The following DOCK7 variants were observed in gnomAD, a reference collection of about 807,000 sequenced individuals.
The protein encoded by DOCK7 is dedicator of cytokinesis 7, also known as dedicator of cytokinesis protein 7.
A neutral mutation model predicts 271.0 loss-of-function variants in DOCK7; 138 were observed. The ratio of observed to expected loss-of-function variants is 0.51; its 90% CI spans 0.44 to 0.59. DOCK7 has a LOEUF of 0.59. Ranked by LOEUF, DOCK7 falls within the 20% of genes least tolerant of loss-of-function variation. The pLI is 0.00. For missense variants in DOCK7, 2,066 were observed against 2,592.4 expected (o/e 0.80, Z 4.41); for synonymous variants, 823 against 876.1 (o/e 0.94, Z 1.07).
At chr1:62,650,072 C>A (rs1233337351) in intron 4 of DOCK7, among the ~76,000 whole-genome samples, 2 of 151,940 alleles carry the variant, frequency 1.3e-5, no homozygotes, top group African/African-American at 2.4e-5. Context: ...AGACCTTGTC[C>A]CAAGTAAATA....
At chr1:62,638,096 G>A (rs921484018) in intron 7 of DOCK7, among the ~76,000 whole-genome samples, 1 of 152,078 alleles carries the variant, frequency 6.6e-6, no homozygotes, top group Non-Finnish European at 1.5e-5. Context: ...GATTTTTAAT[G>A]GGAATCTTTT....
intron 18 of DOCK7, among the ~76,000 whole-genome samples, chr1:62,567,409 A>G (rs528163100): frequency 6.6e-6 from 1 of 152,286 alleles, no homozygotes; most frequent in African/African-American, 2.4e-5. Flanking sequence ...GACATGGATG[A>G]AACTGGAAAC....
In DOCK7 at chr1:62,604,958, T is replaced by A. The variant is rs570870879; in HGVS notation, c.1682+13748A>T. The A allele has an allele frequency of 1.0e-5, 8 of 800,706 alleles. No individual in the cohort carries two copies. The African/African-American group carries it at 1.4e-4, about 14-fold the overall frequency. The allele number at this position is 800,706 out of a possible 1,614,324, so 49.6% of individuals were successfully genotyped here. On this transcript the variant is annotated intron_variant, in intron 14 of 49. Coordinates refer to ENST00000635253, the MANE Select transcript of DOCK7 (RefSeq NM_001367561.1). ...TCTTAAAGTCACTGTCTATTTAAGA[T>A]TAAACATACAATCACATAACCTTAA...
intron 4 of DOCK7, among the ~76,000 whole-genome samples, chr1:62,649,054 C>T (rs571492057): frequency 6.6e-6 from 1 of 152,228 alleles, no homozygotes; most frequent in Admixed American, 6.5e-5. Flanking sequence ...GCAAAATCTA[C>T]ACCATCACTG....
At chr1:62,594,420 C>T (rs915571726) in intron 14 of DOCK7, among the ~76,000 whole-genome samples, 10 of 151,940 alleles carry the variant, frequency 6.6e-5, no homozygotes, top group African/African-American at 1.7e-4. Context: ...ACCAAGACTA[C>T]GTGACCATTA....
chr1:62,610,142 C>A (rs149310055), intron 14 of DOCK7, among the ~76,000 whole-genome samples: 42 of 152,270 alleles, frequency 2.8e-4, no homozygotes, highest in African/African-American at 8.4e-4. Context: ...AGCCCCCGCG[C>A]CCAGCCGACT....
chr1:62,594,366 T>TAAGAA (rs79439217), intron 14 of DOCK7, among the ~76,000 whole-genome samples: 63,287 of 151,508 alleles, frequency 0.42, 14,902 homozygotes, highest in African/African-American at 0.65. Context: ...CAAATTACTA[T>TAAGAA]AAGAATTATA....
intron 31 of DOCK7, among the ~76,000 whole-genome samples, chr1:62,514,454 A>C (rs955598889): frequency 2.6e-5 from 4 of 152,132 alleles, no homozygotes; most frequent in African/African-American, 9.6e-5. Context: ...TTCAATCATC[A>C]ATCTATATTA....
intron 7 of DOCK7, among the ~76,000 whole-genome samples, chr1:62,638,597 GAATA>G (rs1366172913): frequency 1.4e-5 from 2 of 138,504 alleles, no homozygotes; most frequent in Non-Finnish European, 3.1e-5. Context: ...ATATTTTCAT[GAATA>G]TATATTTTTT....
intron 41 of DOCK7, 127 bp from the exon 42 acceptor site, chr1:62,489,192 G>A (rs1403541578): frequency 1.6e-5 from 14 of 863,052 alleles, no homozygotes; most frequent in Non-Finnish European, 1.6e-6. Flanking sequence ...GCTCACACCT[G>A]TAATCCCAGC....
At chr1:62,639,527 T>C (rs551126423) in intron 7 of DOCK7, among the ~76,000 whole-genome samples, 3 of 139,902 alleles carry the variant, frequency 2.1e-5, no homozygotes, top group African/African-American at 8.1e-5. Flanking sequence ...CTCCACCTCC[T>C]GGGTTCACGC....
intron 22 of DOCK7, among the ~76,000 whole-genome samples, chr1:62,547,390 G>A (rs1391060349): frequency 6.6e-6 from 1 of 152,230 alleles, no homozygotes; most frequent in African/African-American, 2.4e-5. Flanking sequence ...AACCAAATGT[G>A]TGCCCACGTG....
At chr1:62,623,044 G>T (rs1274217207) in intron 12 of DOCK7, among the ~76,000 whole-genome samples, 1 of 152,098 alleles carries the variant, frequency 6.6e-6, no homozygotes, top group African/African-American at 2.4e-5. Context: ...AAAGGGCTGG[G>T]ATTACAGGCA....
chr1:62,667,175 T>C (rs1018801988), intron 1 of DOCK7, among the ~76,000 whole-genome samples: 1 of 152,178 alleles, frequency 6.6e-6, no homozygotes, highest in Non-Finnish European at 1.5e-5. Context: ...TCATTCTTCA[T>C]GGGACCAGAA....
Position 62,648,424 on chromosome 1 carries a change from C to T in DOCK7, c.510G>A (p.Gln170=). 1 of 1,534,970 alleles carries T rather than the reference C, an allele frequency of 6.5e-7. No homozygotes were observed. The highest frequency in any genetic ancestry group is 8.8e-7 in the Non-Finnish European group (1 of 1,141,732). The part of the protein sequence containing the change: ...SDEAPDGNSY[Q]DDQDDLKRRS... Reference sequence around the variant, plus strand: ...AGAATAAAAGTATTACTTGATCATCCTGGTAGCTGTTGCCATCTGGAGCTT... The same window carrying T: ...AGAATAAAAGTATTACTTGATCATCTTGGTAGCTGTTGCCATCTGGAGCTT... The change falls in exon 5 of 50, where the codon CAG becomes CAA. Residue 170 remains glutamine, a synonymous_variant. Transcript: ENST00000635253.
At chr1:62,576,131 T>C (rs980490449) in intron 18 of DOCK7, among the ~76,000 whole-genome samples, 11 of 152,176 alleles carry the variant, frequency 7.2e-5, no homozygotes, top group African/African-American at 2.4e-4. Flanking sequence ...TAAATACTTG[T>C]AGACAGCAAT....
At chr1:62,671,318 G>A (rs571673704) in intron 1 of DOCK7, among the ~76,000 whole-genome samples, 3 of 152,320 alleles carry the variant, frequency 2.0e-5, no homozygotes, top group East Asian at 3.9e-4. Context: ...GAGCTAAAGT[G>A]AAAAACACAG....
chr1:62,542,678 T>C lies in DOCK7; in HGVS notation c.2975A>G (p.Gln992Arg). 2.5e-6 allele frequency: 4 copies of C among 1,613,258 alleles called. No individual in the cohort carries two copies. The highest frequency in any genetic ancestry group is 3.4e-6 in the Non-Finnish European group (4 of 1,179,492). The change falls in exon 25 of 50, where the codon CAG (glutamine) becomes CGG (arginine). Residue 992 changes from glutamine to arginine, a missense_variant. Transcript: ENST00000635253. ...AACGCTGCCACTGCAAACAACCCAC[T>C]GCAAAGCCAGCTCCTCGTGAAAAAG... ...KKLFHEELAL[Q>R]WVVCSGSVRE...
intron 22 of DOCK7, among the ~76,000 whole-genome samples, chr1:62,546,573 T>TA (rs1246927325): frequency 6.6e-6 from 1 of 152,048 alleles, no homozygotes; most frequent in African/African-American, 2.4e-5. Flanking sequence ...CTTCACATGG[T>TA]AAGAATCAAA....
Sources: allele counts gnomAD v4.1 joint callset (sites outside exome capture counted in the v4.1 genomes callset), GRCh38; gene constraint gnomAD v4.1.1; transcripts MANE v1.5; gene names NCBI Gene and HGNC (gene_info 2026-07-23, HGNC 2026-07-21).